TMEM150C: variants seen among roughly 807,000 people sequenced by gnomAD.
The protein encoded by TMEM150C is transmembrane protein 150C.
TMEM150C carries 10 observed loss-of-function variants against 29.9 expected under a neutral mutation model. The ratio of observed to expected loss-of-function variants is 0.33; its 90% CI spans 0.21 to 0.57. The LOEUF is 0.57. Among genes scored for constraint, TMEM150C ranks in the 20% least tolerant of loss-of-function variants. The pLI is 0.88. For missense variants in TMEM150C, 251 were observed against 303.6 expected (o/e 0.83, Z 1.29); for synonymous variants, 101 against 112.5 (o/e 0.90, Z 0.64).
intron 1 of TMEM150C, among the ~76,000 whole-genome samples, chr4:82,558,547 G>A (rs1177950681): frequency 6.6e-6 from 1 of 151,950 alleles, no homozygotes. Context: ...TATTCTAAAT[G>A]GCTGATCTAA....
At chr4:82,534,304 CCCTCA>C (rs1724941472) in intron 1 of TMEM150C, among the ~76,000 whole-genome samples, 1 of 152,072 alleles carries the variant, frequency 6.6e-6, no homozygotes, top group Non-Finnish European at 1.5e-5. Flanking sequence ...CCAACCAAGC[CCCTCA>C]CCTCACCCCT....
chr4:82,495,936 C>T (rs1398433067), intron 6 of TMEM150C, 132 bp downstream of exon 6: 3 of 1,173,330 alleles, frequency 2.6e-6, no homozygotes, highest in East Asian at 2.4e-5. Context: ...GGAAAAGAGT[C>T]CTAGTTTTTA....
intron 1 of TMEM150C, among the ~76,000 whole-genome samples, chr4:82,561,075 G>C (rs1169488774): frequency 6.6e-6 from 1 of 152,184 alleles, no homozygotes; most frequent in African/African-American, 2.4e-5. Flanking sequence ...ATAAAGTGCT[G>C]TGGGGGTAGG....
chr4:82,517,514 C>G (rs1288183074), intron 1 of TMEM150C, among the ~76,000 whole-genome samples: 1 of 152,098 alleles, frequency 6.6e-6, no homozygotes, highest in Non-Finnish European at 1.5e-5. Context: ...CCTGATAGAG[C>G]AAAAAGGCAG....
intron 6 of TMEM150C, chr4:82,494,691 C>T (rs781087840): frequency 1.0e-4 from 23 of 223,606 alleles, no homozygotes; most frequent in Non-Finnish European, 1.4e-4. Context: ...GTAACACCCT[C>T]GCACATTTAA....
chr4:82,537,950 A>G (rs1725064632), intron 1 of TMEM150C, among the ~76,000 whole-genome samples: 1 of 152,204 alleles, frequency 6.6e-6, no homozygotes, highest in Non-Finnish European at 1.5e-5. Context: ...TTTAAGCCAC[A>G]AAGTCTGTGG....
At chr4:82,540,403 C>T (rs1042465715) in intron 1 of TMEM150C, among the ~76,000 whole-genome samples, 3 of 151,888 alleles carry the variant, frequency 2.0e-5, no homozygotes, top group South Asian at 2.1e-4. Flanking sequence ...TGTGAGCAAC[C>T]GCGCCTGGCT....
At chr4:82,512,387 T>C (rs957535316) in intron 1 of TMEM150C, among the ~76,000 whole-genome samples, 12 of 152,222 alleles carry the variant, frequency 7.9e-5, no homozygotes, top group African/African-American at 2.9e-4. Context: ...AAACTTGTAA[T>C]GTGAATAAAT....
chr4:82,551,098 G>A lies in TMEM150C; in HGVS notation c.-11+10808C>T, dbSNP rs191641019. Among the ~76,000 whole-genome samples the A allele has an allele frequency of 3.1e-3, 468 of 152,300 alleles. 6 individuals carry two copies. Among genetic ancestry groups the A allele is most frequent in the African/African-American group, 0.01 (435 of 41,558 alleles). ...AGAAAGGGAGGTACAGGAAGACATGGAGCCAGATTGTCAGTTCTTTAAGAA... is the reference window on the plus strand; with the variant it reads ...AGAAAGGGAGGTACAGGAAGACATGAAGCCAGATTGTCAGTTCTTTAAGAA... On this transcript the variant is annotated intron_variant, in intron 1 of 7. Transcript: ENST00000449862.
chr4:82,502,905 G>C lies in TMEM150C; in HGVS notation c.157C>G (p.Pro53Ala), dbSNP rs2110069201. 6.3e-7 allele frequency: 1 copy of C among 1,597,306 alleles called. No individual in the cohort carries two copies. Among genetic ancestry groups the C allele is most frequent in the Non-Finnish European group, 8.5e-7 (1 of 1,171,368 alleles). Reference sequence around the variant, plus strand: ...GAATTGCTGGGTTACCTTATATATGGTGCATGCTTCACACCAGGTTTCCTG... The same window carrying C: ...GAATTGCTGGGTTACCTTATATATGCTGCATGCTTCACACCAGGTTTCCTG... ...AERKPGVKHA[P>A]YISIAGDDPP... is the part of the protein sequence containing the mutation. The change falls in exon 4 of 8, where the codon CCA (proline) becomes GCA (alanine). Residue 53 changes from proline to alanine, a missense_variant. Physicochemically the swap from Pro to Ala is conservative, Grantham distance 27 (BLOSUM62 -1). Transcript: ENST00000449862.
At chr4:82,503,028 G>T in intron 3 of TMEM150C, 31 bp downstream of exon 3, 1 of 1,609,554 alleles carries the variant, frequency 6.2e-7, no homozygotes, top group South Asian at 1.1e-5. Flanking sequence ...ATCTCTTGAT[G>T]AACAACGAAT....
chr4:82,532,573 A>G (rs754112711), intron 1 of TMEM150C, among the ~76,000 whole-genome samples: 3 of 152,186 alleles, frequency 2.0e-5, no homozygotes, highest in Non-Finnish European at 2.9e-5. Context: ...TAAAGTATCT[A>G]TAATATATAT....
intron 1 of TMEM150C, among the ~76,000 whole-genome samples, chr4:82,551,737 C>T (rs1202918943): frequency 6.6e-6 from 1 of 152,098 alleles, no homozygotes; most frequent in Non-Finnish European, 1.5e-5. Flanking sequence ...TCTTATGGTA[C>T]CCTAGGATGC....
chr4:82,495,909 C>A, intron 6 of TMEM150C, 159 bp downstream of exon 6: 1 of 862,588 alleles, frequency 1.2e-6, no homozygotes, highest in Non-Finnish European at 1.8e-6. Flanking sequence ...AGCAGCTGAA[C>A]AGCTCCGAGT....
chr4:82,500,763 G>A (rs2110068155), intron 5 of TMEM150C, among the ~76,000 whole-genome samples: 1 of 152,274 alleles, frequency 6.6e-6, no homozygotes, highest in Admixed American at 6.5e-5. Context: ...AAGACCACTG[G>A]GAAATATCAA....
chr4:82,505,216 T>A (rs1407620744), intron 1 of TMEM150C, among the ~76,000 whole-genome samples: 1 of 152,178 alleles, frequency 6.6e-6, no homozygotes, highest in East Asian at 1.9e-4. Flanking sequence ...ATTTTATTTT[T>A]AAATTTTTTT....
intron 1 of TMEM150C, among the ~76,000 whole-genome samples, chr4:82,505,773 T>C (rs369892549): frequency 6.6e-6 from 1 of 152,080 alleles, no homozygotes; most frequent in African/African-American, 2.4e-5. Context: ...TACAAAAATA[T>C]AGAAATAAAA....
intron 1 of TMEM150C, among the ~76,000 whole-genome samples, chr4:82,528,329 C>T (rs1724721448): frequency 6.6e-6 from 1 of 152,214 alleles, no homozygotes; most frequent in African/African-American, 2.4e-5. Context: ...GGCCCCACCT[C>T]TGAAGTTCTG....
chr4:82,492,420 ACCCGG>A (rs1443256278), intron 6 of TMEM150C, among the ~76,000 whole-genome samples: 1 of 151,924 alleles, frequency 6.6e-6, no homozygotes, highest in East Asian at 1.9e-4. Flanking sequence ...GAGCCAACAC[ACCCGG>A]CCCTAATTCA....
Sources: allele counts gnomAD v4.1 joint callset (sites outside exome capture counted in the v4.1 genomes callset), GRCh38; gene constraint gnomAD v4.1.1; transcripts MANE v1.5; gene names NCBI Gene and HGNC (gene_info 2026-07-23, HGNC 2026-07-21).